PCDHGB1: variants seen among roughly 807,000 people sequenced by gnomAD.
PCDHGB1 encodes protocadherin gamma subfamily B, 1.
Under a neutral mutation model 56.6 loss-of-function variants are expected in PCDHGB1, and 34 were observed. The observed-to-expected ratio is 0.60, with a 90% confidence interval of 0.46 to 0.80. The LOEUF (loss-of-function observed/expected upper bound fraction) is 0.80. PCDHGB1 is among the 30% of genes least tolerant of loss of function. The pLI is 0.00. For missense variants in PCDHGB1, 1,278 were observed against 1,204.6 expected (o/e 1.06, Z -0.90); for synonymous variants, 561 against 505.9 (o/e 1.11, Z -1.46).
At chr5:141,428,081 C>G (rs768842388) in intron 1 of PCDHGB1, 3 of 1,609,218 alleles carry the variant, frequency 1.9e-6, no homozygotes, top group South Asian at 2.2e-5. Context: ...CGGGACACAA[C>G]GCTTGGCTGT....
intron 2 of PCDHGB1, among the ~76,000 whole-genome samples, chr5:141,500,180 TTA>T (rs2099797073): frequency 7.1e-6 from 1 of 140,608 alleles, no homozygotes; most frequent in African/African-American, 2.8e-5. Flanking sequence ...AGCTTCATTT[TTA>T]TTTTTATTTA....
intron 1 of PCDHGB1, chr5:141,422,056 G>A: frequency 8.7e-6 from 14 of 1,611,934 alleles, no homozygotes; most frequent in Non-Finnish European, 1.2e-5. Flanking sequence ...AATCAACGGG[G>A]AAGTAATGTA....
chr5:141,392,812 C>T (rs2092600989), intron 1 of PCDHGB1: 2 of 1,583,404 alleles, frequency 1.3e-6, no homozygotes, highest in East Asian at 4.5e-5. Flanking sequence ...AGCAAAACAA[C>T]AATGGCCGCT....
rs1561515319 is a variant in PCDHGB1 at position 141,357,584 on chromosome 5, A to C, written c.2409+4915A>C. On this transcript the variant is annotated intron_variant, in intron 1 of 3. Transcript: ENST00000523390. ...AAAAGCGAGCCTCTTCTGATAACTC[A>C]GGATTTACTTGAAACAAAAGGAGAC... The C allele has an allele frequency of 6.2e-7, 1 of 1,614,210 alleles. No individual in the cohort carries two copies. The highest frequency in any genetic ancestry group is 2.2e-5 in the East Asian group (1 of 44,886).
intron 1 of PCDHGB1, among the ~76,000 whole-genome samples, chr5:141,445,007 G>T (rs771023003): frequency 1.3e-5 from 2 of 151,994 alleles, no homozygotes; most frequent in African/African-American, 4.8e-5. Flanking sequence ...ATTTAATTAG[G>T]TCTTTAATTT....
intron 1 of PCDHGB1, chr5:141,379,281 T>G (rs1775489510): frequency 2.6e-5 from 4 of 152,252 alleles, no homozygotes; most frequent in Admixed American, 2.6e-4. Context: ...ATTTATTTAT[T>G]TCAAGTTTCC....
intron 1 of PCDHGB1, chr5:141,387,914 G>A (rs1379719736): frequency 1.5e-5 from 22 of 1,487,626 alleles, no homozygotes; most frequent in Non-Finnish European, 1.8e-5. Context: ...AGCTGGGCCG[G>A]GCTGAGAGGC....
chr5:141,361,590 C>T, intron 1 of PCDHGB1: 1 of 1,614,036 alleles, frequency 6.2e-7, no homozygotes, highest in Non-Finnish European at 8.5e-7. Context: ...GCCCCAGTGG[C>T]CAAGTTTCCT....
chr5:141,461,124 A>G (rs992107268), intron 1 of PCDHGB1, among the ~76,000 whole-genome samples: 1 of 151,978 alleles, frequency 6.6e-6, no homozygotes, highest in Admixed American at 6.6e-5. Context: ...TTTTTCATAT[A>G]ATTACTTATT....
chr5:141,415,102 A>C, intron 1 of PCDHGB1: 1 of 1,613,550 alleles, frequency 6.2e-7, no homozygotes. Flanking sequence ...AGACGCGCTC[A>C]AGCAAAGCCT....
rs758579068 is a variant in PCDHGB1, at chr5:141,485,232, T to C, written c.2410-9575T>C. 6.2e-7 allele frequency: 1 copy of C among 1,614,136 alleles called. No individual in the cohort carries two copies. The highest frequency in any genetic ancestry group is 8.5e-7 in the Non-Finnish European group (1 of 1,180,016). Reference sequence around the variant, plus strand: ...TGGCGGTGGGCTACCCTTTTGTTCCTCTTTTACCACCTGGGTTACGTTTGT... The same window carrying C: ...TGGCGGTGGGCTACCCTTTTGTTCCCCTTTTACCACCTGGGTTACGTTTGT... On this transcript the variant is annotated intron_variant, in intron 1 of 3. Coordinates refer to ENST00000523390, the MANE Select transcript of PCDHGB1 (RefSeq NM_018922.3). This position sits in a 1 kb window ranked among gnomAD's most constrained non-coding sequence, Gnocchi z 5.7.
Position 141,366,618 on chromosome 5 carries a change from C to T in PCDHGB1, c.2409+13949C>T, listed in dbSNP as rs781279706. Reference sequence around the variant, plus strand: ...CACGAGGTCTCCCTCACCGCGGACTCGAGGAAGAGTCACCTGATCTTTCCC... The same window carrying T: ...CACGAGGTCTCCCTCACCGCGGACTTGAGGAAGAGTCACCTGATCTTTCCC... On this transcript the variant is annotated intron_variant, in intron 1 of 3. Coordinates refer to ENST00000523390, the MANE Select transcript of PCDHGB1 (RefSeq NM_018922.3). 7.4e-6 allele frequency: 12 copies of T among 1,614,114 alleles called. No homozygotes were observed. Among genetic ancestry groups the T allele is most frequent in the Non-Finnish European group, 1.0e-5 (12 of 1,180,056 alleles).
intron 1 of PCDHGB1, among the ~76,000 whole-genome samples, chr5:141,472,147 G>T (rs2099272889): frequency 6.6e-6 from 1 of 152,112 alleles, no homozygotes; most frequent in South Asian, 2.1e-4. Flanking sequence ...AAAGTTTCAT[G>T]GTTACATAGC....
intron 1 of PCDHGB1, chr5:141,408,577 T>C (rs771768269): frequency 6.2e-7 from 1 of 1,614,068 alleles, no homozygotes; most frequent in South Asian, 1.1e-5. Flanking sequence ...TGATTGAGGA[T>C]GTTAATGACC....
intron 1 of PCDHGB1, chr5:141,393,975 G>C (rs2092889131): frequency 6.2e-7 from 1 of 1,613,680 alleles, no homozygotes; most frequent in Admixed American, 1.7e-5. Context: ...TTACACACGT[G>C]ATAATTTACC....
Position 141,431,473 on chromosome 5 carries a change from C to G in PCDHGB1, c.2410-63334C>G, listed in dbSNP as rs750300971. ...TGATGGTTCTGGATGCGAACGACAA[C>G]GCACCAGCGTTTGCTCAGCCCGAGT... On this transcript the variant is annotated intron_variant, in intron 1 of 3. Coordinates refer to ENST00000523390, the MANE Select transcript of PCDHGB1 (RefSeq NM_018922.3). This position sits in a 1 kb window ranked among gnomAD's most constrained non-coding sequence, Gnocchi z 4.8. 5.0e-6 allele frequency: 8 copies of G among 1,613,832 alleles called. No homozygotes were observed. The highest frequency in any genetic ancestry group is 1.7e-5 in the Admixed American group (1 of 60,026).
In PCDHGB1 at chr5:141,443,822, A is replaced by G. The variant is rs183934410; in HGVS notation, c.2410-50985A>G. ...GAAACAGTTACCTTTGGAAAACATAATTAGGTAAAATGGGTAATATGGAAA... is the reference window on the plus strand; with the variant it reads ...GAAACAGTTACCTTTGGAAAACATAGTTAGGTAAAATGGGTAATATGGAAA... On this transcript the variant is annotated intron_variant, in intron 1 of 3. Coordinates refer to ENST00000523390, the MANE Select transcript of PCDHGB1 (RefSeq NM_018922.3). Among the ~76,000 whole-genome samples, 330 of 152,316 alleles carry G rather than the reference A, an allele frequency of 2.2e-3. 2 individuals carry two copies. Among genetic ancestry groups the G allele is most frequent in the Non-Finnish European group, 4.1e-3 (279 of 68,018 alleles).
intron 1 of PCDHGB1, chr5:141,478,239 C>T: frequency 1.2e-6 from 2 of 1,614,132 alleles, no homozygotes; most frequent in Non-Finnish European, 1.7e-6. Context: ...TTTGTGGTCA[C>T]AGTGTTCGGA....
chr5:141,400,880 T>C (rs919340566), intron 1 of PCDHGB1, among the ~76,000 whole-genome samples: 1 of 152,276 alleles, frequency 6.6e-6, no homozygotes, highest in Non-Finnish European at 1.5e-5. Flanking sequence ...TTAAATTTAA[T>C]GTATGTAATC....
Sources: allele counts gnomAD v4.1 joint callset (sites outside exome capture counted in the v4.1 genomes callset), GRCh38; gene constraint gnomAD v4.1.1; non-coding constraint Gnocchi (gnomAD v3.1); transcripts MANE v1.5; gene names NCBI Gene and HGNC (gene_info 2026-07-23, HGNC 2026-07-21).